Variants in PKHD1 observed in about 807,000 individuals in gnomAD.
PKHD1 encodes fibrocystin.
In PKHD1, 291 loss-of-function variants were observed where a neutral mutation model predicts 412.0. The ratio of observed to expected loss-of-function variants is 0.71; its 90% CI spans 0.64 to 0.78. The LOEUF (loss-of-function observed/expected upper bound fraction) is 0.78. Ranked by LOEUF, PKHD1 falls within the 30% of genes least tolerant of loss-of-function variation. PKHD1 has a pLI of 0.00. For missense variants in PKHD1, 4,825 were observed against 4,950.7 expected (o/e 0.97, Z 0.76); for synonymous variants, 1,777 against 1,821.5 (o/e 0.98, Z 0.62).
chr6:51,965,398 T>C (rs926885269), intron 35 of PKHD1, among the ~76,000 whole-genome samples: 1 of 152,102 alleles, frequency 6.6e-6, no homozygotes, highest in Non-Finnish European at 1.5e-5. Context: ...TTATTTCAGC[T>C]GATTATAAAA....
intron 43 of PKHD1, among the ~76,000 whole-genome samples, chr6:51,901,859 G>A (rs1781360565): frequency 6.6e-6 from 1 of 152,058 alleles, no homozygotes; most frequent in Non-Finnish European, 1.5e-5. Context: ...TAAATGAAGG[G>A]AAATGGAAAG....
At chr6:51,744,143 G>A (rs1784905447) in intron 60 of PKHD1, among the ~76,000 whole-genome samples, 1 of 152,252 alleles carries the variant, frequency 6.6e-6, no homozygotes, top group South Asian at 2.1e-4. Flanking sequence ...TGGGCATTGA[G>A]AATCTGCACT....
chr6:51,690,251 G>A (rs1246468119), intron 60 of PKHD1, among the ~76,000 whole-genome samples: 2 of 133,820 alleles, frequency 1.5e-5, no homozygotes, highest in African/African-American at 5.7e-5. Flanking sequence ...CAGCCTGGGT[G>A]ACAGAGTGAG....
intron 37 of PKHD1, among the ~76,000 whole-genome samples, chr6:51,933,038 T>C (rs536740287): frequency 6.6e-6 from 1 of 152,344 alleles, no homozygotes; most frequent in Admixed American, 6.5e-5. Context: ...GTAACTGACA[T>C]TATGATTTCT....
intron 61 of PKHD1, among the ~76,000 whole-genome samples, chr6:51,650,724 T>C (rs1356289969): frequency 6.6e-6 from 1 of 152,086 alleles, no homozygotes; most frequent in Non-Finnish European, 1.5e-5. Context: ...AGTGCAAACA[T>C]GTGGTCCTAA....
At chr6:51,642,325 ATAAG>A (rs1312793450) in intron 63 of PKHD1, among the ~76,000 whole-genome samples, 2 of 152,194 alleles carry the variant, frequency 1.3e-5, no homozygotes, top group South Asian at 2.1e-4. Context: ...GGTACAGAAT[ATAAG>A]TAAGTAAGAT....
chr6:51,730,089 G>T (rs994726221), intron 60 of PKHD1, among the ~76,000 whole-genome samples: 18 of 152,074 alleles, frequency 1.2e-4, no homozygotes, highest in Non-Finnish European at 1.9e-4. Context: ...TTTTCAGTTG[G>T]TTTGTTCCTT....
intron 60 of PKHD1, among the ~76,000 whole-genome samples, chr6:51,663,184 C>G (rs1175042857): frequency 6.6e-6 from 1 of 151,990 alleles, no homozygotes; most frequent in African/African-American, 2.4e-5. Context: ...ATGGGAAATC[C>G]TCAAATCACA....
chr6:51,694,547 C>CATTTTT (rs1562116019), intron 60 of PKHD1, among the ~76,000 whole-genome samples: 2 of 55,464 alleles, frequency 3.6e-5, no homozygotes, highest in African/African-American at 1.3e-4. Context: ...CCACAACCAG[C>CATTTTT]CTTTTTTTTT....
intron 60 of PKHD1, among the ~76,000 whole-genome samples, chr6:51,672,352 T>C (rs2150510474): frequency 6.6e-6 from 1 of 152,286 alleles, no homozygotes; most frequent in Non-Finnish European, 1.5e-5. Context: ...CCCACACCAC[T>C]TATGATGAAG....
At chr6:51,708,354 C>T (rs983392408) in intron 60 of PKHD1, among the ~76,000 whole-genome samples, 8 of 152,192 alleles carry the variant, frequency 5.3e-5, no homozygotes, top group African/African-American at 1.7e-4. Context: ...TCATTATCTC[C>T]TATGTCATTA....
At position 51,830,909 on chromosome 6, in the gene PKHD1, A is replaced by G; in HGVS notation, c.8254T>C (p.Tyr2752His). The change falls in exon 52 of 67, where the codon TAC (tyrosine) becomes CAC (histidine). Residue 2752 changes from tyrosine (Y) to histidine (H), a missense_variant. Transcript: ENST00000371117. ...WQGVEEGWGG[Y>H]NNTIPGPGDD... The stretch of plus-strand genomic sequence containing the variant: ...CCAGGGCCTGGAATGGTATTGTTGT[A>G]TCCTCCCCAGCCTTCTTCAACACCT... 1.9e-6 allele frequency: 3 copies of G among 1,612,854 alleles called. No homozygotes were observed. Among genetic ancestry groups the G allele is most frequent in the Non-Finnish European group, 2.5e-6 (3 of 1,179,066 alleles).
chr6:51,616,061 T>G lies in PKHD1; in HGVS notation c.*3020A>C, dbSNP rs1581694768. 1 of 152,160 alleles carries G rather than the reference T, an allele frequency of 6.6e-6. No individual in the cohort carries two copies. Among genetic ancestry groups the G allele is most frequent in the Non-Finnish European group, 1.5e-5 (1 of 68,044 alleles). The allele number at this position is 152,160 out of a possible 1,614,324, so 9.4% of individuals were successfully genotyped here. ...ATCTATAAATATTTATAGATGTTCTTTATTTGACAAATAAAAATTGTATAT... is the reference window on the plus strand; with the variant it reads ...ATCTATAAATATTTATAGATGTTCTGTATTTGACAAATAAAAATTGTATAT... On this transcript the variant is annotated 3_prime_UTR_variant, in exon 67 of 67. Transcript: ENST00000371117.
intron 60 of PKHD1, among the ~76,000 whole-genome samples, chr6:51,684,893 A>T (rs965452282): frequency 6.6e-6 from 1 of 152,124 alleles, no homozygotes; most frequent in Non-Finnish European, 1.5e-5. Flanking sequence ...TCAAAGGCCA[A>T]TTTCCATCCA....
chr6:51,690,268 T>A (rs1193825169), intron 60 of PKHD1, among the ~76,000 whole-genome samples: 1 of 79,386 alleles, frequency 1.3e-5, no homozygotes, highest in Admixed American at 2.1e-4. Context: ...TGAGACTCCA[T>A]CTCAAAAAAA....
At chr6:51,896,494 C>T (rs1583250673) in intron 43 of PKHD1, among the ~76,000 whole-genome samples, 1 of 151,980 alleles carries the variant, frequency 6.6e-6, no homozygotes, top group African/African-American at 2.4e-5. Flanking sequence ...AAAGGACATC[C>T]ACACCAAAAA....
intron 60 of PKHD1, among the ~76,000 whole-genome samples, chr6:51,692,387 A>G (rs1778282065): frequency 6.6e-6 from 1 of 152,072 alleles, no homozygotes; most frequent in African/African-American, 2.4e-5. Context: ...ATTCATCTCT[A>G]GTTAAAATTC....
At chr6:51,837,117 G>C (rs1769370627) in intron 50 of PKHD1, among the ~76,000 whole-genome samples, 1 of 152,176 alleles carries the variant, frequency 6.6e-6, no homozygotes, top group Non-Finnish European at 1.5e-5. Flanking sequence ...TGCCAAGAGA[G>C]GCTGCTATAA....
intron 35 of PKHD1, among the ~76,000 whole-genome samples, chr6:52,000,597 A>T (rs558620095): frequency 6.6e-6 from 1 of 152,328 alleles, no homozygotes; most frequent in Non-Finnish European, 1.5e-5. Flanking sequence ...ATTCATAGGG[A>T]CATTTTCACA....
Sources: allele counts gnomAD v4.1 joint callset (sites outside exome capture counted in the v4.1 genomes callset), GRCh38; gene constraint gnomAD v4.1.1; transcripts MANE v1.5; gene names NCBI Gene and HGNC (gene_info 2026-07-23, HGNC 2026-07-21).